The following KCNU1 variants were observed in gnomAD, a reference collection of about 807,000 sequenced individuals.
KCNU1 encodes the protein potassium channel subfamily U member 1.
A neutral mutation model predicts 126.8 loss-of-function variants in KCNU1; 93 were observed. The observed-to-expected ratio is 0.73, with a 90% CI of 0.62 to 0.87. KCNU1 has a LOEUF of 0.87. Among genes scored for constraint, KCNU1 ranks in the 40% least tolerant of loss-of-function variants. The pLI is 0.00. For missense variants in KCNU1, 1,330 were observed against 1,367.1 expected, an observed-to-expected ratio of 0.97 and a Z score of 0.43; for synonymous variants, 523 against 494.2, an observed-to-expected ratio of 1.06 and a Z score of -0.77.
chr8:36,922,374 C>G, intron 23 of KCNU1, 116 bp from the exon 24 acceptor site: 1 of 1,134,896 alleles, frequency 8.8e-7, no homozygotes, highest in African/African-American at 1.6e-5. Context: ...CACAGAGACC[C>G]CAAAGTAGAC....
In KCNU1 at chr8:36,784,898, TA is replaced by T. The variant is rs111613899; in HGVS notation, c.195+296del. ...GGTCACTGTTCTGAAAAAAAGTTCA[TA>T]AACATTATGTCCATGCCTCTATCTC... On this transcript the variant is annotated intron_variant, in intron 1 of 26. Coordinates refer to ENST00000399881, the MANE Select transcript of KCNU1 (RefSeq NM_001031836.3). Among the ~76,000 whole-genome samples the T allele has an allele frequency of 2.5e-3, 385 of 152,322 alleles. 12 individuals carry two copies. Among genetic ancestry groups the T allele is most frequent in the African/African-American group, 8.9e-3 (371 of 41,578 alleles).
intron 2 of KCNU1, among the ~76,000 whole-genome samples, chr8:36,801,761 T>C (rs1803315384): frequency 1.3e-5 from 2 of 152,122 alleles, no homozygotes; most frequent in Admixed American, 6.5e-5. Context: ...AATATCTGCA[T>C]GAAACCGTCA....
At chr8:36,913,132 A>G (rs1287081246) in intron 22 of KCNU1, among the ~76,000 whole-genome samples, 1 of 151,962 alleles carries the variant, frequency 6.6e-6, no homozygotes, top group Non-Finnish European at 1.5e-5. Flanking sequence ...ACTAGACAAA[A>G]CGTAAACCTA....
chr8:36,789,362 TA>T (rs577015345), intron 2 of KCNU1, among the ~76,000 whole-genome samples: 40 of 144,524 alleles, frequency 2.8e-4, no homozygotes, highest in East Asian at 6.0e-4. Context: ...AGACCCCATC[TA>T]AAAAAAAAAA....
intron 1 of KCNU1, among the ~76,000 whole-genome samples, chr8:36,786,710 A>T (rs1037905723): frequency 2.0e-5 from 3 of 152,206 alleles, no homozygotes; most frequent in Admixed American, 6.5e-5. Flanking sequence ...ATCCACATCA[A>T]TATAAAATGT....
chr8:36,914,792 C>T (rs1808033473), intron 22 of KCNU1, among the ~76,000 whole-genome samples: 1 of 152,176 alleles, frequency 6.6e-6, no homozygotes, highest in Non-Finnish European at 1.5e-5. Flanking sequence ...AAACATATAA[C>T]AGTAATTAAG....
intron 19 of KCNU1, among the ~76,000 whole-genome samples, chr8:36,882,531 C>T (rs766845254): frequency 2.0e-5 from 3 of 152,132 alleles, no homozygotes; most frequent in East Asian, 1.9e-4. Context: ...TAAACCCCAT[C>T]GTCCTCACCA....
At chr8:36,927,989 T>G (rs896329397) in intron 24 of KCNU1, among the ~76,000 whole-genome samples, 33 of 82,072 alleles carry the variant, frequency 4.0e-4, no homozygotes, top group South Asian at 1.5e-3. Context: ...GAAAGAAAGA[T>G]GGAAGGAAGG....
intron 2 of KCNU1, among the ~76,000 whole-genome samples, chr8:36,789,355 C>A (rs1008897136): frequency 2.6e-5 from 4 of 151,552 alleles, no homozygotes; most frequent in Non-Finnish European, 4.4e-5. Flanking sequence ...CAGAGAGAGA[C>A]CCCATCTAAA....
In KCNU1 at chr8:36,831,403, C is replaced by T. The variant is rs1393982111; in HGVS notation, c.1107-2151C>T. Among the ~76,000 whole-genome samples, 3 of 152,082 alleles carry T rather than the reference C, an allele frequency of 2.0e-5. No individual in the cohort carries two copies. The East Asian group carries it at 5.8e-4, about 29-fold the overall frequency. ...GTGTAAAAGTGTTCCTATTTCTCCACATCCTCTCCAGCACCTGTTGTTTCC... is the reference window on the plus strand; with the variant it reads ...GTGTAAAAGTGTTCCTATTTCTCCATATCCTCTCCAGCACCTGTTGTTTCC... On this transcript the variant is annotated intron_variant, in intron 10 of 26. Transcript: ENST00000399881.
At chr8:36,926,887 A>G (rs889199159) in intron 24 of KCNU1, among the ~76,000 whole-genome samples, 11 of 152,144 alleles carry the variant, frequency 7.2e-5, no homozygotes, top group African/African-American at 2.7e-4. Context: ...TGCATTCAGG[A>G]CAGGCTCCCT....
At chr8:36,915,171 G>A (rs1808050072) in intron 22 of KCNU1, among the ~76,000 whole-genome samples, 3 of 152,204 alleles carry the variant, frequency 2.0e-5, no homozygotes, top group Non-Finnish European at 4.4e-5. Context: ...GAATCAGAAA[G>A]TGGGGTTCAA....
At chr8:36,823,924 G>A (rs1016242205) in intron 10 of KCNU1, among the ~76,000 whole-genome samples, 5 of 144,392 alleles carry the variant, frequency 3.5e-5, no homozygotes, top group Admixed American at 7.4e-5. Context: ...TGCAACCTCC[G>A]CCTCCCAGAT....
intron 1 of KCNU1, among the ~76,000 whole-genome samples, chr8:36,786,277 T>G (rs893147058): frequency 6.6e-6 from 1 of 152,200 alleles, no homozygotes; most frequent in African/African-American, 2.4e-5. Context: ...CCACAGAAGG[T>G]AGCTCCAATT....
At chr8:36,843,609 C>T (rs993214835) in intron 16 of KCNU1, among the ~76,000 whole-genome samples, 2 of 152,206 alleles carry the variant, frequency 1.3e-5, no homozygotes, top group Non-Finnish European at 2.9e-5. Flanking sequence ...CAGGGCTGTG[C>T]TTCTGTAACC....
At chr8:36,799,293 G>T (rs1050842188) in intron 2 of KCNU1, among the ~76,000 whole-genome samples, 5 of 151,854 alleles carry the variant, frequency 3.3e-5, no homozygotes, top group African/African-American at 1.2e-4. Flanking sequence ...AAGGTATAGC[G>T]TATCTTCAAA....
At chr8:36,834,644 T>C (rs909371702) in intron 11 of KCNU1, 142 bp from the exon 12 acceptor site, 15 of 591,016 alleles carry the variant, frequency 2.5e-5, no homozygotes, top group Non-Finnish European at 3.7e-5. Flanking sequence ...TGTAAAGACA[T>C]CCTCATTACA....
chr8:36,934,749 A>T (rs1422784289), intron 26 of KCNU1, among the ~76,000 whole-genome samples: 2 of 152,094 alleles, frequency 1.3e-5, no homozygotes, highest in African/African-American at 4.8e-5. Flanking sequence ...GGCACTAGTG[A>T]GGCAATGCAG....
chr8:36,930,286 T>C (rs1196746301), intron 24 of KCNU1, among the ~76,000 whole-genome samples: 1 of 152,156 alleles, frequency 6.6e-6, no homozygotes, highest in African/African-American at 2.4e-5. Context: ...GCTGGGATTA[T>C]TCAGACTCAA....
Sources: allele counts gnomAD v4.1 joint callset (sites outside exome capture counted in the v4.1 genomes callset), GRCh38; gene constraint gnomAD v4.1.1; transcripts MANE v1.5; gene names NCBI Gene and HGNC (gene_info 2026-07-23, HGNC 2026-07-21).